Variants in SOHLH1 observed in about 807,000 individuals in gnomAD.
The protein encoded by SOHLH1 is spermatogenesis and oogenesis specific basic helix-loop-helix 1, also known as spermatogenesis- and oogenesis-specific basic helix-loop-helix-containing protein 1.
In SOHLH1, 23 loss-of-function variants were observed where a neutral mutation model predicts 36.2. That is an observed-to-expected ratio of 0.64 (90% CI 0.46 to 0.90). The LOEUF (loss-of-function observed/expected upper bound fraction) is 0.90. SOHLH1 is among the 40% of genes least tolerant of loss of function. The probability of loss-of-function intolerance (pLI) is 0.00; values close to 1 mark genes in which losing one functional copy is unlikely to be tolerated. For synonymous variants in SOHLH1, 289 were observed against 228.3 expected (o/e 1.27, Z -2.40); for missense variants, 608 against 517.0 (o/e 1.18, Z -1.71).
In SOHLH1 at chr9:135,694,387, C is replaced by A; in HGVS notation, c.946G>T (p.Gly316Trp). 3 of 1,612,732 alleles carry A rather than the reference C, an allele frequency of 1.9e-6. No individual in the cohort carries two copies. The highest frequency in any genetic ancestry group is 2.5e-6 in the Non-Finnish European group (3 of 1,179,688). The change falls in exon 7 of 8, where the codon GGG becomes TGG. Residue 316 changes from glycine (G) to tryptophan (W), a missense_variant and splice_region_variant. Physicochemically the swap from Gly to Trp is radical, Grantham distance 184 (BLOSUM62 -2). Transcript: ENST00000425225. ...LLTAGPSSWP[G>W]SLEGRGGSGP... is the part of the protein sequence containing the mutation. ...GCCCTGAACCCAGGGCCCCACTCACCCGGCCACGAGCTGGGACCAGCAGTC... is the reference window on the plus strand; with the variant it reads ...GCCCTGAACCCAGGGCCCCACTCACACGGCCACGAGCTGGGACCAGCAGTC...
At chr9:135,697,669 C>A in intron 3 of SOHLH1, 42 bp from the exon 4 acceptor site, 1 of 1,594,804 alleles carries the variant, frequency 6.3e-7, no homozygotes. Context: ...CAGAGACAGT[C>A]AGCTGAGAAA....
chr9:135,694,359 C>G, intron 7 of SOHLH1, 28 bp downstream of exon 7: 1 of 1,612,000 alleles, frequency 6.2e-7, no homozygotes. Flanking sequence ...CGCGGGGGGA[C>G]CAGCCCTGAA....
intron 2 of SOHLH1, among the ~76,000 whole-genome samples, 160 bp downstream of exon 2, chr9:135,698,835 G>A (rs182881934): frequency 2.3e-3 from 350 of 152,336 alleles, no homozygotes; most frequent in African/African-American, 8.0e-3. Context: ...TCCCCAACAG[G>A]GCTTTTCTGG....
chr9:135,697,365 C>T, intron 4 of SOHLH1, 141 bp downstream of exon 4: 2 of 1,271,516 alleles, frequency 1.6e-6, no homozygotes, highest in Non-Finnish European at 1.1e-6. Context: ...CCTGAGTTGG[C>T]AGGGCCCTGG....
In SOHLH1 at chr9:135,698,335, C is replaced by T. The variant is rs375864230; in HGVS notation, c.339G>A (p.Gln113=). The change falls in exon 3 of 8, where the codon CAG becomes CAA. Residue 113 remains glutamine (Q), a synonymous_variant. Coordinates refer to ENST00000425225, the MANE Select transcript of SOHLH1 (RefSeq NM_001101677.2). ...LASALGPSQE[Q]HAILASSKEM... is the part of the protein sequence containing the mutation. ...GTCTACCCTTACAACTCACAGCGTG[C>T]TGCTCCTGACTGGGCCCCAGGGCGC... 543 of 1,612,998 alleles carry T rather than the reference C, an allele frequency of 3.4e-4. 8 individuals carry two copies. In the South Asian group the frequency reaches 5.6e-3, roughly 17 times the overall value.
In SOHLH1 at chr9:135,696,711, T is replaced by A; in HGVS notation, c.562A>T (p.Arg188Trp). The change falls in exon 5 of 8, where the codon AGG (arginine) becomes TGG (tryptophan). Residue 188 changes from arginine to tryptophan, a missense_variant. Physicochemically the swap from Arg to Trp is moderately radical, Grantham distance 101. Coordinates refer to ENST00000425225, the MANE Select transcript of SOHLH1 (RefSeq NM_001101677.2). ...GTGCAGCTCGCGGGGTCCCACTGCC[T>A]GGAGGACGCAAGGATGTGCGGCACG... ...EPVPHILASS[R>W]QWDPASCTSL... 6.2e-7 allele frequency: 1 copy of A among 1,613,012 alleles called. No individual in the cohort carries two copies. Among genetic ancestry groups the A allele is most frequent in the Non-Finnish European group, 8.5e-7 (1 of 1,179,970 alleles).
chr9:135,697,784 T>G (rs1319580555), intron 3 of SOHLH1, among the ~76,000 whole-genome samples, 157 bp from the exon 4 acceptor site: 2 of 152,126 alleles, frequency 1.3e-5, no homozygotes, highest in African/African-American at 2.4e-5. Context: ...ACAACGAGGC[T>G]GAGGTTCCAC....
upstream of SOHLH1, among the ~76,000 whole-genome samples, chr9:135,700,136 T>G (rs1035779330): frequency 2.0e-5 from 3 of 152,034 alleles, no homozygotes; most frequent in Non-Finnish European, 4.4e-5. Context: ...CTCGGAACCG[T>G]CTGTCCCTTC....
chr9:135,694,536 C>A, intron 6 of SOHLH1, 79 bp from the exon 7 acceptor site: 1 of 1,565,230 alleles, frequency 6.4e-7, no homozygotes, highest in Non-Finnish European at 8.6e-7. Flanking sequence ...GGGCCCAAGT[C>A]CTGCAAAGGC....
intron 7 of SOHLH1, 49 bp downstream of exon 7, chr9:135,694,338 T>G (rs1016636869): frequency 7.4e-6 from 12 of 1,611,856 alleles, no homozygotes; most frequent in Non-Finnish European, 9.3e-6. Flanking sequence ...CCAGCTCATA[T>G]CAGGTGCTTA....
intron 2 of SOHLH1, among the ~76,000 whole-genome samples, chr9:135,698,794 G>A (rs1284712995): frequency 2.6e-5 from 4 of 152,226 alleles, no homozygotes; most frequent in African/African-American, 9.6e-5. Flanking sequence ...AAGAGGCCAA[G>A]GCTTCAGGAT....
intron 4 of SOHLH1, 110 bp downstream of exon 4, chr9:135,697,396 G>A: frequency 3.3e-6 from 5 of 1,507,702 alleles, no homozygotes; most frequent in Admixed American, 1.8e-5. Flanking sequence ...ACCTGCGGAG[G>A]CCAAGCCGGG....
At chr9:135,701,219 T>C (rs933326619), upstream of SOHLH1, among the ~76,000 whole-genome samples, 3 of 151,554 alleles carry the variant, frequency 2.0e-5, no homozygotes, top group African/African-American at 7.3e-5. Context: ...CTTCCCCGAG[T>C]GTTCCCCACC....
intron 7 of SOHLH1, chr9:135,694,035 C>T (rs1834694156): frequency 7.0e-7 from 1 of 1,426,722 alleles, no homozygotes; most frequent in African/African-American, 1.4e-5. Flanking sequence ...AACACTAAAT[C>T]CTAAATGGAA....
rs775492494 is a variant in SOHLH1 at position 135,695,246 on chromosome 9, G to C, written c.679C>G (p.Pro227Ala). Reference protein sequence around the residue: ...PPFSEPSSLVPWPPGRSLPKA... With the variant: ...PPFSEPSSLVAWPPGRSLPKA... ...GGAAGACTCCGGCCTGGGGGCCACGGCACCAGGCTGGAAGGTTCTGGGAGA... is the reference window on the plus strand; with the variant it reads ...GGAAGACTCCGGCCTGGGGGCCACGCCACCAGGCTGGAAGGTTCTGGGAGA... Residue 227 changes from proline (P) to alanine (A), a missense_variant, in exon 6 of 8, where the codon CCG becomes GCG. Coordinates refer to ENST00000425225, the MANE Select transcript of SOHLH1 (RefSeq NM_001101677.2). 2 of 1,597,596 alleles carry C rather than the reference G, an allele frequency of 1.3e-6. No individual in the cohort carries two copies. The highest frequency in any genetic ancestry group is 1.7e-6 in the Non-Finnish European group (2 of 1,174,070).
Position 135,695,233 on chromosome 9 carries a change from C to T in SOHLH1, c.692G>A (p.Gly231Asp), listed in dbSNP as rs1834745041. The T allele has an allele frequency of 6.2e-7, 1 of 1,602,292 alleles. No individual in the cohort carries two copies. Among genetic ancestry groups the T allele is most frequent in the South Asian group, 1.1e-5 (1 of 88,684 alleles). ...EPSSLVPWPP[G>D]RSLPKAVRPP... is the part of the protein sequence containing the mutation. ...CCTCACAGCCTTAGGAAGACTCCGG[C>T]CTGGGGGCCACGGCACCAGGCTGGA... is the stretch of plus-strand genomic sequence containing the variant. Residue 231 changes from glycine (G) to aspartate (D), a missense_variant, in exon 6 of 8, where the codon GGC (glycine) becomes GAC (aspartate). Physicochemically the swap from Gly to Asp is moderately conservative, Grantham distance 94 (BLOSUM62 -1). Coordinates refer to ENST00000425225, the MANE Select transcript of SOHLH1 (RefSeq NM_001101677.2).
In SOHLH1 at chr9:135,693,688, G is replaced by A. The variant is rs772895230; in HGVS notation, c.1073C>T (p.Pro358Leu). The A allele has an allele frequency of 8.9e-6, 14 of 1,579,446 alleles. No homozygotes were observed. The South Asian group carries it at 1.5e-4, about 17-fold the overall frequency. Reference sequence around the variant, plus strand: ...CACATCCAGGCCCCACGGCTCCAGAGGGCTGTCCTGGAGCTCCTGGGAGCC... The same window carrying A: ...CACATCCAGGCCCCACGGCTCCAGAAGGCTGTCCTGGAGCTCCTGGGAGCC... ...ELGSQELQDS[P>L]LEPWGLDVDC... Residue 358 changes from proline (P) to leucine (L), a missense_variant, in exon 8 of 8, where the codon CCT becomes CTT. Transcript: ENST00000425225.
chr9:135,699,040 G>C lies in SOHLH1; in HGVS notation c.152C>G (p.Pro51Arg), dbSNP rs201942489. The change falls in exon 2 of 8, where the codon CCC (proline) becomes CGC (arginine). Residue 51 changes from proline (P) to arginine (R), a missense_variant. Transcript: ENST00000425225. ...PPKAPTVAEG[P>R]SSCLRRNVIS... ...CACGTTCCGCCGAAGGCAGGAGCTGGGACCCTCGGCCACCGTAGGGGCCTT... is the reference window on the plus strand; with the variant it reads ...CACGTTCCGCCGAAGGCAGGAGCTGCGACCCTCGGCCACCGTAGGGGCCTT... 1.2e-6 allele frequency: 2 copies of C among 1,611,524 alleles called. No homozygotes were observed. Among genetic ancestry groups the C allele is most frequent in the Non-Finnish European group, 1.7e-6 (2 of 1,179,724 alleles).
chr9:135,695,848 G>A (rs1435296296), intron 5 of SOHLH1, among the ~76,000 whole-genome samples: 4 of 152,290 alleles, frequency 2.6e-5, no homozygotes, highest in Admixed American at 1.3e-4. Context: ...GTGGCATTAG[G>A]GACAAAGGCC....
Sources: allele counts gnomAD v4.1 joint callset (sites outside exome capture counted in the v4.1 genomes callset), GRCh38; gene constraint gnomAD v4.1.1; transcripts MANE v1.5; gene names NCBI Gene and HGNC (gene_info 2026-07-23, HGNC 2026-07-21).